TSC1: variants seen among roughly 807,000 people sequenced by gnomAD.
TSC1 encodes the protein hamartin.
TSC1 carries 20 observed loss-of-function variants against 124.3 expected under a neutral mutation model. The observed-to-expected ratio is 0.16, with a 90% CI of 0.11 to 0.23. The LOEUF (loss-of-function observed/expected upper bound fraction) is 0.23, where lower values mean the gene tolerates loss of function less well. Among genes scored for constraint, TSC1 ranks in the 10% least tolerant of loss-of-function variants. TSC1 has a pLI of 1.00. For missense variants in TSC1, 1,124 were observed against 1,448.5 expected (o/e 0.78, Z 3.64); for synonymous variants, 493 against 539.1 (o/e 0.91, Z 1.19).
intron 20 of TSC1, among the ~76,000 whole-genome samples, chr9:132,897,874 G>C (rs981932649): frequency 4.6e-5 from 7 of 152,062 alleles, no homozygotes; most frequent in African/African-American, 1.7e-4. Context: ...ATTTATAAGA[G>C]CAAAAACCTG....
intron 6 of TSC1, among the ~76,000 whole-genome samples, chr9:132,922,768 C>CT (rs926629578): frequency 6.6e-6 from 1 of 152,148 alleles, no homozygotes; most frequent in Non-Finnish European, 1.5e-5. Context: ...ATACTTCACC[C>CT]TTTTGATAGA....
intron 8 of TSC1, among the ~76,000 whole-genome samples, chr9:132,919,047 C>G (rs140678135): frequency 1.3e-5 from 2 of 152,312 alleles, no homozygotes; most frequent in African/African-American, 4.8e-5. Flanking sequence ...GTGTGAACAT[C>G]AGAGTGTACT....
chr9:132,924,388 C>T (rs569102235), intron 5 of TSC1, among the ~76,000 whole-genome samples: 7 of 152,268 alleles, frequency 4.6e-5, no homozygotes, highest in Admixed American at 2.0e-4. Context: ...CCTTTCATTA[C>T]GGAAGATATC....
chr9:132,893,932 G>C lies in TSC1; in HGVS notation c.*2303C>G, dbSNP rs1249473721. On this transcript the variant is annotated 3_prime_UTR_variant, in exon 23 of 23. Coordinates refer to ENST00000298552, the MANE Select transcript of TSC1 (RefSeq NM_000368.5). Reference sequence around the variant, plus strand: ...CAAAACCAAACCAAACCTAACTACTGACTCTGGAGTTCTTTGCAACATGAA... The same window carrying C: ...CAAAACCAAACCAAACCTAACTACTCACTCTGGAGTTCTTTGCAACATGAA... 1 of 233,166 alleles carries C rather than the reference G, an allele frequency of 4.3e-6. No homozygotes were observed. Among genetic ancestry groups the C allele is most frequent in the African/African-American group, 2.2e-5 (1 of 45,320 alleles). The allele number at this position is 233,166 out of a possible 1,614,324, so 14.4% of individuals were successfully genotyped here.
intron 20 of TSC1, 115 bp downstream of exon 20, chr9:132,900,600 G>A (rs1300088681): frequency 9.7e-6 from 15 of 1,548,036 alleles, no homozygotes; most frequent in Middle Eastern, 2.3e-4. Context: ...TGGGACTGCC[G>A]CTCCGTCTTT....
At chr9:132,917,890 T>A (rs1159768594) in intron 8 of TSC1, among the ~76,000 whole-genome samples, 7 of 152,258 alleles carry the variant, frequency 4.6e-5, no homozygotes, top group African/African-American at 1.7e-4. Context: ...AAACATCTTA[T>A]CTCTGTGGCT....
intron 9 of TSC1, among the ~76,000 whole-genome samples, 193 bp downstream of exon 9, chr9:132,912,089 A>G (rs1391150158): frequency 6.6e-6 from 1 of 152,244 alleles, no homozygotes; most frequent in East Asian, 1.9e-4. Flanking sequence ...GTAGCAGACC[A>G]AGGACATCTA....
intron 8 of TSC1, chr9:132,912,716 T>C: frequency 2.1e-6 from 1 of 486,080 alleles, no homozygotes; most frequent in Non-Finnish European, 3.7e-6. Context: ...AGACTAGGTG[T>C]AGCCTCAAAA....
chr9:132,901,888 TAAC>T, intron 18 of TSC1, 189 bp from the exon 19 acceptor site: 1 of 584,108 alleles, frequency 1.7e-6, no homozygotes. Flanking sequence ...CCTTACTGTT[TAAC>T]AAAAGAAAAA....
chr9:132,923,852 A>G lies in TSC1; in HGVS notation c.364-360T>C, dbSNP rs1846703881. ...AAGGAGCTGCTTTTCAACAAAACAC[A>G]GGAGCACTGCTCTGTTTCATTCATT... is the stretch of plus-strand genomic sequence containing the variant. On this transcript the variant is annotated intron_variant, in intron 5 of 22. Transcript: ENST00000298552. The surrounding 1 kb of genome is among the most constrained non-coding windows in gnomAD (Gnocchi z 4.2). Among the ~76,000 whole-genome samples the G allele has an allele frequency of 2.0e-5, 3 of 152,156 alleles. No individual in the cohort carries two copies. Among genetic ancestry groups the G allele is most frequent in the African/African-American group, 7.2e-5 (3 of 41,430 alleles).
intron 8 of TSC1, among the ~76,000 whole-genome samples, chr9:132,919,656 C>A (rs1035226967): frequency 5.3e-5 from 8 of 152,112 alleles, no homozygotes; most frequent in African/African-American, 1.9e-4. Context: ...CAAGAGTAAA[C>A]CAAGAAAGAA....
At chr9:132,904,543 C>T in intron 15 of TSC1, 89 bp from the exon 16 acceptor site, 1 of 1,327,746 alleles carries the variant, frequency 7.5e-7, no homozygotes, top group African/African-American at 1.4e-5. Context: ...AGTTAGATCA[C>T]TTCCTTGTGG....
intron 20 of TSC1, among the ~76,000 whole-genome samples, chr9:132,898,759 C>G (rs1017976854): frequency 3.9e-5 from 6 of 152,230 alleles, no homozygotes; most frequent in African/African-American, 1.4e-4. Context: ...TTCCCCACCA[C>G]TCACTCTTCC....
chr9:132,900,248 G>C (rs1422422935), intron 20 of TSC1: 2 of 194,170 alleles, frequency 1.0e-5, no homozygotes, highest in African/African-American at 4.7e-5. Context: ...CCACTGGTGA[G>C]GCACTAATTA....
chr9:132,896,861 AG>A lies in TSC1; in HGVS notation c.2976-108del. ...ACTCACACTGACACTGAACTCCGCT[AG>A]CCCACTCTCTGTTTTATAATACTGG... On this transcript the variant is annotated intron_variant, in intron 22 of 22. Coordinates refer to ENST00000298552, the MANE Select transcript of TSC1 (RefSeq NM_000368.5). The surrounding 1 kb of genome is among the most constrained non-coding windows in gnomAD (Gnocchi z 4.5). 1 of 1,536,430 alleles carries A rather than the reference AG, an allele frequency of 6.5e-7. No homozygotes were observed. Among genetic ancestry groups the A allele is most frequent in the East Asian group, 2.2e-5 (1 of 44,492 alleles).
chr9:132,926,624 T>C (rs950747103), intron 4 of TSC1: 15 of 156,868 alleles, frequency 9.6e-5, no homozygotes, highest in African/African-American at 3.1e-4. Flanking sequence ...TGGGTACCTA[T>C]GGGCCAAATC....
At position 132,921,404 on chromosome 9, in the gene TSC1, T is replaced by A. The variant is rs1588345709; in HGVS notation, c.696A>T (p.Glu232Asp). ...CATGGTCCTTGGATCCAGTCACTAA[T>A]TCCGGATGAATTCGCACATGCTCCA... ...PMMEHVRIHP[E>D]LVTGSKDHEL... Residue 232 changes from glutamate to aspartate, a missense_variant, in exon 8 of 23, where the codon GAA becomes GAT. Physicochemically the swap from Glu to Asp is conservative, Grantham distance 45. This residue lies in a region of TSC1 where 463 missense variants were observed against 606.8 expected (regional missense o/e 0.76). Transcript: ENST00000298552. This position sits in a 1 kb window ranked among gnomAD's most constrained non-coding sequence, Gnocchi z 4.3. 6.2e-7 allele frequency: 1 copy of A among 1,614,178 alleles called. No individual in the cohort carries two copies. The highest frequency in any genetic ancestry group is 8.5e-7 in the Non-Finnish European group (1 of 1,180,002).
chr9:132,912,174 C>T, intron 9 of TSC1, 108 bp downstream of exon 9: 4 of 1,372,556 alleles, frequency 2.9e-6, no homozygotes, highest in Non-Finnish European at 4.1e-6. Flanking sequence ...GGGAAAAATC[C>T]CTAGGAACTG....
At chr9:132,901,790 A>G in intron 18 of TSC1, 91 bp from the exon 19 acceptor site, 1 of 1,120,566 alleles carries the variant, frequency 8.9e-7, no homozygotes, top group Non-Finnish European at 1.3e-6. Context: ...AGGACTGGGA[A>G]TGCCTTAGCT....
Sources: allele counts gnomAD v4.1 joint callset (sites outside exome capture counted in the v4.1 genomes callset), GRCh38; gene constraint gnomAD v4.1.1; regional missense constraint gnomAD v4.1.1; non-coding constraint Gnocchi (gnomAD v3.1); transcripts MANE v1.5; gene names NCBI Gene and HGNC (gene_info 2026-07-23, HGNC 2026-07-21).